The following PREX1 variants were observed in gnomAD, a reference collection of about 807,000 sequenced individuals.
PREX1 encodes phosphatidylinositol-3,4,5-trisphosphate dependent Rac exchange factor 1.
PREX1 carries 41 observed loss-of-function variants against 198.3 expected under a neutral mutation model. That is an observed-to-expected ratio of 0.21 (90% CI 0.16 to 0.27). PREX1 has a LOEUF of 0.27. Among genes scored for constraint, PREX1 ranks in the 10% least tolerant of loss-of-function variants. The probability of loss-of-function intolerance (pLI) is 1.00; values close to 1 mark genes in which losing one functional copy is unlikely to be tolerated. For synonymous variants in PREX1, 843 were observed against 887.2 expected, an observed-to-expected ratio of 0.95 and a Z score of 0.89; for missense variants, 1,620 against 2,200.7, an observed-to-expected ratio of 0.74 and a Z score of 5.28.
At chr20:48,776,421 G>A (rs1337837739) in intron 1 of PREX1, among the ~76,000 whole-genome samples, 15 of 152,210 alleles carry the variant, frequency 9.9e-5, no homozygotes, top group Admixed American at 9.8e-4. Flanking sequence ...CCAGATGCCT[G>A]CTTAGCAGCT....
At chr20:48,787,484 G>A (rs1454333196) in intron 1 of PREX1, among the ~76,000 whole-genome samples, 1 of 151,960 alleles carries the variant, frequency 6.6e-6, no homozygotes, top group African/African-American at 2.4e-5. Context: ...CGGCCAGCCG[G>A]GGTCCACAAG....
chr20:48,722,469 G>A (rs1402981885), intron 5 of PREX1, among the ~76,000 whole-genome samples: 1 of 152,252 alleles, frequency 6.6e-6, no homozygotes, highest in Non-Finnish European at 1.5e-5. Flanking sequence ...AGGATGGACA[G>A]TAAGTGTTTA....
At chr20:48,714,285 G>A (rs904083135) in intron 5 of PREX1, among the ~76,000 whole-genome samples, 4 of 152,184 alleles carry the variant, frequency 2.6e-5, no homozygotes, top group Middle Eastern at 3.4e-3. Flanking sequence ...CTACCCCAAC[G>A]TGAAAGCCAA....
chr20:48,738,947 C>T (rs748629158), intron 3 of PREX1, among the ~76,000 whole-genome samples: 1 of 152,116 alleles, frequency 6.6e-6, no homozygotes, highest in Non-Finnish European at 1.5e-5. Context: ...CAACAGTCTC[C>T]CCAAATTATT....
At chr20:48,703,334 T>C (rs2089885356) in intron 6 of PREX1, among the ~76,000 whole-genome samples, 1 of 152,166 alleles carries the variant, frequency 6.6e-6, no homozygotes. Context: ...TTATCACACA[T>C]CACGGCCTTC....
chr20:48,630,389 G>A (rs1321414946), intron 36 of PREX1, among the ~76,000 whole-genome samples: 1 of 152,240 alleles, frequency 6.6e-6, no homozygotes, highest in African/African-American at 2.4e-5. Flanking sequence ...ATTTCTAAAG[G>A]TTGACAGCAA....
the PREX1 span, among the ~76,000 whole-genome samples, chr20:48,853,986 G>A: frequency 6.6e-6 from 1 of 152,214 alleles, no homozygotes; most frequent in Admixed American, 6.5e-5. Context: ...GGGGTCCCGT[G>A]CACACCTCTC....
the PREX1 span, among the ~76,000 whole-genome samples, chr20:48,862,453 G>A: frequency 3.3e-5 from 5 of 151,938 alleles, no homozygotes; most frequent in Admixed American, 2.6e-4. Flanking sequence ...AAGGAGATAG[G>A]CACTATTATA....
rs896539406 is a variant in PREX1, at chr20:48,627,936, C to G, written c.4794G>C (p.Gln1598His). The change falls in exon 38 of 40, where the codon CAG becomes CAC. Residue 1598 changes from glutamine to histidine, a missense_variant. By Grantham distance (24) the Gln-to-His change is conservative. Around this residue, in one of 7 missense-constraint regions of PREX1, gnomAD observed 476 missense variants for 603.4 expected, o/e 0.79. Transcript: ENST00000371941. ...QRSTLSVSLE[Q>H]AAILARSHGL... ...CGTGGCTCCGTGCCAAGATGGCCGC[C>G]TGCTCCAGGGACACGCTCAGGGTGC... 3 of 1,610,326 alleles carry G rather than the reference C, an allele frequency of 1.9e-6. No homozygotes were observed. Among genetic ancestry groups the G allele is most frequent in the Non-Finnish European group, 2.5e-6 (3 of 1,178,676 alleles).
chr20:48,639,691 T>C (rs1259392540), intron 30 of PREX1, 75 bp downstream of exon 30: 28 of 1,568,976 alleles, frequency 1.8e-5, no homozygotes, highest in Non-Finnish European at 2.4e-5. Flanking sequence ...CTGGATCCAT[T>C]CCTGATTCTC....
chr20:48,734,730 G>A (rs2122727949), intron 3 of PREX1, 80 bp from the exon 4 acceptor site: 1 of 1,265,002 alleles, frequency 7.9e-7, no homozygotes, highest in Non-Finnish European at 1.1e-6. Flanking sequence ...CCACTGGGCT[G>A]GTAGGGTAGG....
At chr20:48,840,160 G>A in the PREX1 span, among the ~76,000 whole-genome samples, 5 of 151,846 alleles carry the variant, frequency 3.3e-5, no homozygotes, top group African/African-American at 9.7e-5. Context: ...GACTACAGGC[G>A]CTTGCCACCA....
chr20:48,770,483 G>A (rs1245027459), intron 1 of PREX1, among the ~76,000 whole-genome samples: 2 of 152,188 alleles, frequency 1.3e-5, no homozygotes, highest in Non-Finnish European at 2.9e-5. Flanking sequence ...GGCTGAGGCA[G>A]GTGGATCACC....
intron 3 of PREX1, among the ~76,000 whole-genome samples, chr20:48,738,959 A>T (rs1266335161): frequency 6.6e-6 from 1 of 152,134 alleles, no homozygotes; most frequent in Non-Finnish European, 1.5e-5. Flanking sequence ...CAAATTATTT[A>T]CCCATCCATA....
chr20:48,650,454 A>C (rs887864030), intron 23 of PREX1, among the ~76,000 whole-genome samples: 1 of 152,216 alleles, frequency 6.6e-6, no homozygotes, highest in African/African-American at 2.4e-5. Flanking sequence ...GCTGCCCCTG[A>C]ACCATCCTTG....
intron 1 of PREX1, among the ~76,000 whole-genome samples, chr20:48,786,817 A>G (rs113109747): frequency 2.9e-5 from 4 of 140,200 alleles, no homozygotes; most frequent in East Asian, 2.1e-4. Flanking sequence ...GAAGGAAAGA[A>G]AAAGAGAGAG....
At chr20:48,693,766 C>A (rs1405490521) in intron 7 of PREX1, among the ~76,000 whole-genome samples, 1 of 151,602 alleles carries the variant, frequency 6.6e-6, no homozygotes, top group Non-Finnish European at 1.5e-5. Flanking sequence ...TCTCACCACG[C>A]CCAGCTAATT....
intron 6 of PREX1, among the ~76,000 whole-genome samples, chr20:48,705,305 T>C (rs950849476): frequency 3.3e-5 from 5 of 152,194 alleles, no homozygotes; most frequent in Non-Finnish European, 7.3e-5. Flanking sequence ...ACTTATCTGG[T>C]TTTATCTAAA....
chr20:48,792,817 T>TACAC (rs372512250), intron 1 of PREX1, among the ~76,000 whole-genome samples: 33,561 of 113,316 alleles, frequency 0.3, 5,219 homozygotes, highest in East Asian at 0.47. Flanking sequence ...AAAAAAAAAA[T>TACAC]ACACACACAC....
Sources: gnomAD v4.1 joint callset for allele counts (sites outside exome capture counted in the v4.1 genomes callset) on GRCh38, gnomAD v4.1.1 for gene constraint, gnomAD v4.1.1 regional missense constraint, MANE v1.5 for transcripts, NCBI Gene and HGNC (gene_info 2026-07-23, HGNC 2026-07-21) for gene names.